Variants in SUFU observed in about 807,000 individuals in gnomAD.
The protein encoded by SUFU is SUFU negative regulator of hedgehog signaling, also known as suppressor of fused homolog.
In SUFU, 7 loss-of-function variants were observed where a neutral mutation model predicts 58.9. That is an observed-to-expected ratio of 0.12 (90% CI 0.07 to 0.22). The LOEUF is 0.22. Ranked by LOEUF, SUFU falls within the 10% of genes least tolerant of loss-of-function variation. The pLI is 1.00. For synonymous variants in SUFU, 232 were observed against 254.8 expected (o/e 0.91, Z 0.85); for missense variants, 451 against 641.3 (o/e 0.70, Z 3.20).
Position 102,617,404 on chromosome 10 carries a change from C to T in SUFU, c.1272C>T (p.Tyr424=), listed in dbSNP as rs771084342. The change falls in exon 10 of 12, where the codon TAC becomes TAT. Residue 424 remains tyrosine (Y), a synonymous_variant. Transcript: ENST00000369902. The surrounding 1 kb of genome is among the most constrained non-coding windows in gnomAD (Gnocchi z 4.4). ...CCTTTGCCACTGAGGAGCATCCTTACGCGGCTCATGGACCCTGGTTACAAG... is the reference window on the plus strand; with the variant it reads ...CCTTTGCCACTGAGGAGCATCCTTATGCGGCTCATGGACCCTGGTTACAAG... The part of the protein sequence containing the change: ...EGAFATEEHP[Y]AAHGPWLQIL... 1.3e-4 allele frequency: 212 copies of T among 1,614,130 alleles called. No individual in the cohort carries two copies. The highest frequency in any genetic ancestry group is 2.7e-4 in the South Asian group (25 of 91,092).
Position 102,527,192 on chromosome 10 carries a change from C to T in SUFU, c.317+17889C>T, listed in dbSNP as rs544916352. Among the ~76,000 whole-genome samples, 8 of 151,872 alleles carry T rather than the reference C, an allele frequency of 5.3e-5. No individual in the cohort carries two copies. The East Asian group carries it at 9.7e-4, about 18-fold the overall frequency. On this transcript the variant is annotated intron_variant, in intron 2 of 11. Transcript: ENST00000369902. ...TAACTTTTTGTATTTTTAGTAGAGACAGGGTTTCACCGTGTTAGCCAGGAT... is the reference window on the plus strand; with the variant it reads ...TAACTTTTTGTATTTTTAGTAGAGATAGGGTTTCACCGTGTTAGCCAGGAT...
chr10:102,535,739 C>T (rs1468637690), intron 2 of SUFU, among the ~76,000 whole-genome samples: 1 of 152,124 alleles, frequency 6.6e-6, no homozygotes, highest in Non-Finnish European at 1.5e-5. Context: ...TTCCTTGCTT[C>T]AAAGACCAAT....
At chr10:102,598,506 G>A (rs924998973) in intron 7 of SUFU, among the ~76,000 whole-genome samples, 5 of 152,136 alleles carry the variant, frequency 3.3e-5, no homozygotes, top group Admixed American at 2.6e-4. Flanking sequence ...AAGCCTATTG[G>A]AGGCTCAAAG....
intron 3 of SUFU, among the ~76,000 whole-genome samples, chr10:102,588,455 C>T (rs894659700): frequency 1.3e-5 from 2 of 151,948 alleles, no homozygotes; most frequent in Non-Finnish European, 2.9e-5. Flanking sequence ...TTTCAGGCCT[C>T]TCAATTCTAT....
In SUFU at chr10:102,633,432, G is replaced by A. The variant is rs1420913604; in HGVS notation, c.*3277G>A. On this transcript the variant is annotated 3_prime_UTR_variant, in exon 12 of 12. Coordinates refer to ENST00000369902, the MANE Select transcript of SUFU (RefSeq NM_016169.4). Reference sequence around the variant, plus strand: ...CCCCCTCTTCCTCTCTGTAATCTAAGTGCATTAAACATCTTTGCAGAAGTG... The same window carrying A: ...CCCCCTCTTCCTCTCTGTAATCTAAATGCATTAAACATCTTTGCAGAAGTG... 4.3e-6 allele frequency: 1 copy of A among 231,846 alleles called. No individual in the cohort carries two copies. The highest frequency in any genetic ancestry group is 2.2e-5 in the African/African-American group (1 of 45,240). The allele number at this position is 231,846 out of a possible 1,614,324, so 14.4% of individuals were successfully genotyped here. A position where few individuals can be genotyped will look rare whatever the true frequency, so the allele number is the denominator to read the frequency against.
intron 2 of SUFU, among the ~76,000 whole-genome samples, chr10:102,536,820 A>C (rs2062745185): frequency 6.6e-6 from 1 of 151,670 alleles, no homozygotes; most frequent in African/African-American, 2.4e-5. Context: ...TTAAATTATT[A>C]TACTTTTTGA....
At chr10:102,516,299 C>G (rs1376020072) in intron 2 of SUFU, among the ~76,000 whole-genome samples, 1 of 151,782 alleles carries the variant, frequency 6.6e-6, no homozygotes, top group Admixed American at 6.6e-5. Context: ...GTCTCAGACT[C>G]CTGACCTCAA....
intron 2 of SUFU, among the ~76,000 whole-genome samples, chr10:102,540,755 C>T (rs1201657012): frequency 6.6e-6 from 1 of 151,806 alleles, no homozygotes; most frequent in East Asian, 1.9e-4. Context: ...GGCACAGTGG[C>T]TCACACCTAC....
intron 3 of SUFU, chr10:102,590,948 T>C (rs1435942753): frequency 3.9e-5 from 6 of 152,200 alleles, no homozygotes; most frequent in Non-Finnish European, 7.3e-5. Flanking sequence ...CTCCCCTGTA[T>C]TATCACATCT....
At chr10:102,522,312 A>G (rs910090115) in intron 2 of SUFU, among the ~76,000 whole-genome samples, 10 of 152,206 alleles carry the variant, frequency 6.6e-5, no homozygotes, top group Non-Finnish European at 1.3e-4. Flanking sequence ...CAGCTTTACT[A>G]TCACAAATGG....
Position 102,615,358 on chromosome 10 carries a change from G to A in SUFU, c.1113G>A (p.Leu371=), listed in dbSNP as rs745349651. 122 of 1,613,994 alleles carry A rather than the reference G, an allele frequency of 7.6e-5. No homozygotes were observed. The highest frequency in any genetic ancestry group is 9.0e-5 in the Non-Finnish European group (106 of 1,180,008). The change falls in exon 9 of 12, where the codon CTG becomes CTA. Residue 371 remains leucine (L), a synonymous_variant. Transcript: ENST00000369902. ...CGCGGCAGCTTGAGAGCGTACATCT[G>A]AAATTCAACCAGGAGTCCGGAGCCC... ...IRTRQLESVH[L]KFNQESGALI...
At position 102,628,616 on chromosome 10, in the gene SUFU, G is replaced by A. The variant is rs553930903; in HGVS notation, c.1365+1373G>A. On this transcript the variant is annotated intron_variant, in intron 11 of 11. Coordinates refer to ENST00000369902, the MANE Select transcript of SUFU (RefSeq NM_016169.4). This position sits in a 1 kb window ranked among gnomAD's most constrained non-coding sequence, Gnocchi z 4.5. ...AGAGGGACAGAAGCCTGGGGGAGCA[G>A]AGGAAAGTAGGTCACTAAAAATGAC... 1.3e-5 allele frequency among the ~76,000 whole-genome samples: 2 copies of A among 152,322 alleles called. No individual in the cohort carries two copies. Among genetic ancestry groups the A allele is most frequent in the East Asian group, 3.9e-4 (2 of 5,188 alleles).
At chr10:102,601,407 C>T (rs1258034921) in intron 8 of SUFU, among the ~76,000 whole-genome samples, 1 of 152,168 alleles carries the variant, frequency 6.6e-6, no homozygotes. Flanking sequence ...GAGGCTGCAG[C>T]TTCTACCCTT....
Position 102,633,534 on chromosome 10 carries a change from T to G in SUFU, c.*3379T>G. 4.9e-6 allele frequency: 1 copy of G among 202,546 alleles called. No homozygotes were observed. Among genetic ancestry groups the G allele is most frequent in the Non-Finnish European group, 1.0e-5 (1 of 98,624 alleles). The allele number at this position is 202,546 out of a possible 1,614,324, so 12.5% of individuals were successfully genotyped here. A position where few individuals can be genotyped will look rare whatever the true frequency, so the allele number is the denominator to read the frequency against. ...CGGGGCCCTGGCAGAGGGAGTGGGT[T>G]GTTGTTAGCCACTTAGAAGCCAGGA... is the stretch of plus-strand genomic sequence containing the variant. On this transcript the variant is annotated 3_prime_UTR_variant, in exon 12 of 12. Transcript: ENST00000369902.
At chr10:102,539,557 C>T (rs1322685019) in intron 2 of SUFU, among the ~76,000 whole-genome samples, 1 of 152,172 alleles carries the variant, frequency 6.6e-6, no homozygotes, top group Non-Finnish European at 1.5e-5. Flanking sequence ...TGTTTCTCAT[C>T]AGATTTTTTA....
Position 102,600,469 on chromosome 10 carries a change from C to G in SUFU, c.1022+925C>G, listed in dbSNP as rs373359164. On this transcript the variant is annotated intron_variant, in intron 8 of 11. Coordinates refer to ENST00000369902, the MANE Select transcript of SUFU (RefSeq NM_016169.4). Reference sequence around the variant, plus strand: ...GGGAGAACATGAGTGAAACAGTTACCTTTTAATGGTGTGCATCTGGCTGTC... The same window carrying G: ...GGGAGAACATGAGTGAAACAGTTACGTTTTAATGGTGTGCATCTGGCTGTC... Among the ~76,000 whole-genome samples the G allele has an allele frequency of 7.9e-5, 12 of 152,184 alleles. No individual in the cohort carries two copies. The East Asian group carries it at 2.3e-3, about 29-fold the overall frequency.
At chr10:102,589,395 G>A (rs1323713493) in intron 3 of SUFU, among the ~76,000 whole-genome samples, 1 of 147,316 alleles carries the variant, frequency 6.8e-6, no homozygotes, top group Non-Finnish European at 1.5e-5. Context: ...CATGAATAGA[G>A]GCAGTTTTAC....
chr10:102,504,562 G>A (rs957779272), intron 1 of SUFU, among the ~76,000 whole-genome samples: 1 of 151,686 alleles, frequency 6.6e-6, no homozygotes, highest in Non-Finnish European at 1.5e-5. Context: ...TAGGAGAATA[G>A]AGTGAGGACT....
At chr10:102,610,311 T>C (rs1436644316) in intron 8 of SUFU, among the ~76,000 whole-genome samples, 1 of 146,532 alleles carries the variant, frequency 6.8e-6, no homozygotes. Flanking sequence ...GAGAATTGCT[T>C]GAACCTGGGA....
Sources: allele counts gnomAD v4.1 joint callset (sites outside exome capture counted in the v4.1 genomes callset), GRCh38; gene constraint gnomAD v4.1.1; non-coding constraint Gnocchi (gnomAD v3.1); transcripts MANE v1.5; gene names NCBI Gene and HGNC (gene_info 2026-07-23, HGNC 2026-07-21).